OR9Q1: variants seen among roughly 807,000 people sequenced by gnomAD.
The protein encoded by OR9Q1 is olfactory receptor 9Q1.
For synonymous variants in OR9Q1, 153 were observed against 148.6 expected, an observed-to-expected ratio of 1.03 and a Z score of -0.22; for missense variants, 374 against 378.8, an observed-to-expected ratio of 0.99 and a Z score of 0.11.
chr11:58,078,634 T>A (rs111540635), intron 2 of OR9Q1: 5 of 152,308 alleles, frequency 3.3e-5, no homozygotes, highest in African/African-American at 1.2e-4. Context: ...CTCTCTGAGA[T>A]TGGAAATAGA....
intron 2 of OR9Q1, among the ~76,000 whole-genome samples, chr11:58,143,692 G>T (rs1854272279): frequency 6.6e-6 from 1 of 152,082 alleles, no homozygotes; most frequent in Non-Finnish European, 1.5e-5. Context: ...ACATACTGGG[G>T]CCTGTTGGGG....
chr11:58,041,142 G>A (rs1175765630), intron 1 of OR9Q1: 3 of 152,396 alleles, frequency 2.0e-5, no homozygotes, highest in Admixed American at 2.0e-4. Context: ...CAGTCACTGT[G>A]GGCCAGGGTT....
intron 2 of OR9Q1, chr11:58,119,108 A>T: frequency 6.2e-7 from 1 of 1,613,980 alleles, no homozygotes; most frequent in Non-Finnish European, 8.5e-7. Flanking sequence ...GCCAGCAGAA[A>T]GCACTCTGTG....
chr11:58,145,378 C>A (rs1854291054), intron 2 of OR9Q1: 1 of 152,442 alleles, frequency 6.6e-6, no homozygotes, highest in Non-Finnish European at 1.5e-5. Context: ...ATGAAAGAGG[C>A]TCTGAAGAAA....
At chr11:58,088,817 CTTTAG>C (rs1461947747) in intron 2 of OR9Q1, among the ~76,000 whole-genome samples, 4 of 151,582 alleles carry the variant, frequency 2.6e-5, no homozygotes, top group African/African-American at 9.7e-5. Context: ...TGCAGAAGCT[CTTTAG>C]TTTAATTAAA....
chr11:58,029,720 A>G (rs2441960), intron 1 of OR9Q1, among the ~76,000 whole-genome samples: 50,567 of 151,924 alleles, frequency 0.33, 8,846 homozygotes, highest in East Asian at 0.68. Context: ...TTCAAACCCA[A>G]TTATGTTGAT....
chr11:58,151,790 C>T (rs914574263), intron 2 of OR9Q1, among the ~76,000 whole-genome samples: 3 of 151,348 alleles, frequency 2.0e-5, no homozygotes, highest in African/African-American at 7.3e-5. Flanking sequence ...TTTTTTTTAA[C>T]CTTGCACACA....
chr11:58,118,496 A>G, intron 2 of OR9Q1: 1 of 1,565,852 alleles, frequency 6.4e-7, no homozygotes, highest in Non-Finnish European at 8.7e-7. Context: ...CCTCTTACTT[A>G]GATCTACATG....
intron 1 of OR9Q1, among the ~76,000 whole-genome samples, chr11:58,047,931 T>C (rs1280012937): frequency 6.6e-6 from 1 of 152,114 alleles, no homozygotes; most frequent in Non-Finnish European, 1.5e-5. Context: ...CCCATATCTA[T>C]GCTTGTTTGT....
intron 2 of OR9Q1, among the ~76,000 whole-genome samples, chr11:58,066,884 C>A (rs965804970): frequency 7.2e-5 from 11 of 152,308 alleles, no homozygotes; most frequent in South Asian, 2.1e-4. Flanking sequence ...AACAAGCCAG[C>A]AAAGCAGGTT....
intron 2 of OR9Q1, among the ~76,000 whole-genome samples, chr11:58,110,762 G>A (rs1853892135): frequency 6.6e-6 from 1 of 152,182 alleles, no homozygotes; most frequent in African/African-American, 2.4e-5. Context: ...GGTTCATAGT[G>A]TTTGGTAAAA....
At chr11:58,071,672 G>A (rs889834426) in intron 2 of OR9Q1, among the ~76,000 whole-genome samples, 9 of 152,178 alleles carry the variant, frequency 5.9e-5, no homozygotes, top group African/African-American at 1.7e-4. Flanking sequence ...AACATACTAC[G>A]AGAACAAACT....
chr11:58,046,666 G>A (rs974085538), intron 1 of OR9Q1, among the ~76,000 whole-genome samples: 11 of 151,886 alleles, frequency 7.2e-5, no homozygotes, highest in East Asian at 1.9e-4. Context: ...GTTTGAGACC[G>A]ACCTGGCCAA....
At chr11:58,070,674 G>C (rs1244469858) in intron 2 of OR9Q1, among the ~76,000 whole-genome samples, 1 of 152,166 alleles carries the variant, frequency 6.6e-6, no homozygotes, top group Non-Finnish European at 1.5e-5. Context: ...ACAGATAGTA[G>C]AGCACATGAG....
At chr11:58,031,446 A>G (rs775972156) in intron 1 of OR9Q1, 3 of 1,613,766 alleles carry the variant, frequency 1.9e-6, no homozygotes, top group Non-Finnish European at 2.5e-6. Flanking sequence ...TTGCCAATCT[A>G]CCTCTTGTCT....
chr11:58,048,603 A>T (rs1853244043), intron 1 of OR9Q1, among the ~76,000 whole-genome samples: 1 of 150,894 alleles, frequency 6.6e-6, no homozygotes, highest in Non-Finnish European at 1.5e-5. Context: ...CAGGAGGTGG[A>T]GGTTGCAGTC....
At chr11:58,178,956 TATA>T (rs1682074190) in intron 2 of OR9Q1, among the ~76,000 whole-genome samples, 1 of 143,702 alleles carries the variant, frequency 7.0e-6, no homozygotes, top group Admixed American at 7.2e-5. Flanking sequence ...TATATTTACA[TATA>T]ATATACATAA....
At chr11:58,031,567 G>C (rs1565053987) in intron 1 of OR9Q1, 1 of 1,613,992 alleles carries the variant, frequency 6.2e-7, no homozygotes, top group East Asian at 2.2e-5. Flanking sequence ...TGGATTTCCT[G>C]GTGTCTCTGG....
chr11:58,101,991 C>T lies in OR9Q1; in HGVS notation c.-15+46044C>T, dbSNP rs562342354. On this transcript the variant is annotated intron_variant, in intron 2 of 2. Coordinates refer to ENST00000335397, the MANE Select transcript of OR9Q1 (RefSeq NM_001005212.4). ...AAACTCCCCACCTCAGGTGATCCAC[C>T]CCCCTTGGCTTCCCAAAGTGCTGGG... 7.2e-5 allele frequency among the ~76,000 whole-genome samples: 11 copies of T among 152,232 alleles called. No individual in the cohort carries two copies. The South Asian group carries it at 2.1e-3, about 29-fold the overall frequency.
Sources: allele counts gnomAD v4.1 joint callset (sites outside exome capture counted in the v4.1 genomes callset), GRCh38; gene constraint gnomAD v4.1.1; transcripts MANE v1.5; gene names NCBI Gene and HGNC (gene_info 2026-07-23, HGNC 2026-07-21).